Variants in SEMA4F observed in about 807,000 individuals in gnomAD.
SEMA4F encodes semaphorin-4F.
SEMA4F carries 51 observed loss-of-function variants against 78.4 expected under a neutral mutation model. The ratio of observed to expected loss-of-function variants is 0.65; its 90% CI spans 0.52 to 0.82. SEMA4F has a LOEUF of 0.82. SEMA4F is among the 40% of genes least tolerant of loss of function. SEMA4F has a pLI of 0.00. For synonymous variants in SEMA4F, 418 were observed against 408.7 expected (o/e 1.02, Z -0.27); for missense variants, 938 against 1,014.4 (o/e 0.92, Z 1.02).
rs565664464 is a variant in SEMA4F at position 74,679,873 on chromosome 2, G to A, written c.1977G>A (p.Val659=). ...ATGCTCCGAGCCGGGCCCACACAGT[G>A]GGGGCGGGACTGGCTGGCTTCTTCT... is the stretch of plus-strand genomic sequence containing the variant. The part of the protein sequence containing the change: ...QRDAPSRAHT[V]GAGLAGFFLG... Residue 659 remains valine, a synonymous_variant, in exon 14 of 14, where the codon GTG becomes GTA. Coordinates refer to ENST00000357877, the MANE Select transcript of SEMA4F (RefSeq NM_004263.5). 1.2e-6 allele frequency: 2 copies of A among 1,614,206 alleles called. No individual in the cohort carries two copies. The highest frequency in any genetic ancestry group is 1.7e-6 in the Non-Finnish European group (2 of 1,180,038).
At chr2:74,696,185 C>CTTTTTTTT in the SEMA4F span, among the ~76,000 whole-genome samples, 6 of 109,006 alleles carry the variant, frequency 5.5e-5, no homozygotes, top group African/African-American at 7.3e-5. Context: ...TCTCCTGCCT[C>CTTTTTTTT]TTTTTTTTTT....
chr2:74,654,295 G>C lies in SEMA4F; in HGVS notation c.-82G>C. On this transcript the variant is annotated 5_prime_UTR_variant, in exon 1 of 14. Coordinates refer to ENST00000357877, the MANE Select transcript of SEMA4F (RefSeq NM_004263.5). ...GAGCCGGACCGAGCCGAGAGGACCC[G>C]AGTGGGGCCGAGGCCAGTAGCCCCG... 11 of 1,358,812 alleles carry C rather than the reference G, an allele frequency of 8.1e-6. No individual in the cohort carries two copies. The highest frequency in any genetic ancestry group is 1.0e-5 in the Non-Finnish European group (11 of 1,059,732). The allele number at this position is 1,358,812 out of a possible 1,614,324, so 84.2% of individuals were successfully genotyped here.
intron 2 of SEMA4F, 22 bp downstream of exon 2, chr2:74,656,707 G>C (rs1390738839): frequency 6.2e-7 from 1 of 1,612,242 alleles, no homozygotes; most frequent in African/African-American, 1.3e-5. Flanking sequence ...GAGAGGGAAG[G>C]ACCCCTGACC....
chr2:74,679,201 G>A lies in SEMA4F; in HGVS notation c.1644-75G>A, dbSNP rs879849326. The A allele has an allele frequency of 5.9e-4, 628 of 1,060,808 alleles. 4 individuals are homozygous for A. The highest frequency in any genetic ancestry group is 7.3e-4 in the Non-Finnish European group (494 of 675,868). The allele number at this position is 1,060,808 out of a possible 1,614,324, so 65.7% of individuals were successfully genotyped here. On this transcript the variant is annotated intron_variant, in intron 12 of 13. Coordinates refer to ENST00000357877, the MANE Select transcript of SEMA4F (RefSeq NM_004263.5). Reference sequence around the variant, plus strand: ...GATGATGGGAGATATATTGAATGAGGGAGTCTTCAGTAATACTGAGGGGGG... The same window carrying A: ...GATGATGGGAGATATATTGAATGAGAGAGTCTTCAGTAATACTGAGGGGGG...
rs1404445784 is a variant in SEMA4F at position 74,674,645 on chromosome 2, C to T, written c.970C>T (p.Pro324Ser). Residue 324 changes from proline (P) to serine (S), a missense_variant, in exon 8 of 14, where the codon CCC becomes TCC. Coordinates refer to ENST00000357877, the MANE Select transcript of SEMA4F (RefSeq NM_004263.5). ...VLRPELGAGTPIFYGIFSSQW... is the reference protein window; with the variant it reads ...VLRPELGAGTSIFYGIFSSQW... ...TCGACCTGAGCTTGGGGCAGGGACT[C>T]CCATCTTTTATGGCATCTTTTCTTC... 5 of 1,613,926 alleles carry T rather than the reference C, an allele frequency of 3.1e-6. No individual in the cohort carries two copies. The highest frequency in any genetic ancestry group is 3.4e-6 in the Non-Finnish European group (4 of 1,180,014).
chr2:74,705,420 T>C, the SEMA4F span, among the ~76,000 whole-genome samples: 1 of 152,234 alleles, frequency 6.6e-6, no homozygotes, highest in African/African-American at 2.4e-5. Flanking sequence ...GTTGAGTAAG[T>C]AGAGACATCC....
rs1685493810 is a variant in SEMA4F at position 74,679,762 on chromosome 2, C to T, written c.1866C>T (p.Ala622=). Reference sequence around the variant, plus strand: ...TGGAGGTGGTGGTGACCCCAGGGGCCATGGGCGCTTATGCCTGTGAATGTC... The same window carrying T: ...TGGAGGTGGTGGTGACCCCAGGGGCTATGGGCGCTTATGCCTGTGAATGTC... ...DGLEVVVTPG[A]MGAYACECQE... Residue 622 remains alanine, a synonymous_variant, in exon 14 of 14, where the codon GCC becomes GCT. Transcript: ENST00000357877. The T allele has an allele frequency of 6.2e-7, 1 of 1,614,038 alleles. No individual in the cohort carries two copies.
At position 74,657,924 on chromosome 2, in the gene SEMA4F, C is replaced by G. The variant is rs201979007; in HGVS notation, c.429C>G (p.Phe143Leu). The change falls in exon 4 of 14, where the codon TTC becomes TTG. Residue 143 changes from phenylalanine (F) to leucine (L), a missense_variant. By Grantham distance (22) the Phe-to-Leu change is conservative. Transcript: ENST00000357877. ...NASHLLTCGT[F>L]AFDPKCGVID... ...CTCACCTCCTCACTTGTGGCACCTT[C>G]GCTTTTGATCCGAAGTGCGGGGTTA... is the stretch of plus-strand genomic sequence containing the variant. 1.9e-6 allele frequency: 3 copies of G among 1,614,222 alleles called. No homozygotes were observed. Among genetic ancestry groups the G allele is most frequent in the Admixed American group, 3.3e-5 (2 of 60,026 alleles).
chr2:74,672,676 C>T (rs532798533), intron 5 of SEMA4F, among the ~76,000 whole-genome samples: 1 of 152,244 alleles, frequency 6.6e-6, no homozygotes, highest in South Asian at 2.1e-4. Flanking sequence ...ACCCCCCTTC[C>T]TTCTCAGAGT....
chr2:74,657,733 T>C, intron 3 of SEMA4F, 109 bp downstream of exon 3: 1 of 1,388,308 alleles, frequency 7.2e-7, no homozygotes, highest in South Asian at 1.2e-5. Context: ...GCAGAGACTC[T>C]AACACCATGC....
the SEMA4F span, among the ~76,000 whole-genome samples, chr2:74,695,768 C>G: frequency 6.6e-6 from 1 of 152,176 alleles, no homozygotes; most frequent in Non-Finnish European, 1.5e-5. Flanking sequence ...AATCCAAGAG[C>G]AGGAAGTAAC....
rs562050550 is a variant in SEMA4F at position 74,654,338 on chromosome 2, C to G, written c.-39C>G. 82 of 1,445,088 alleles carry G rather than the reference C, an allele frequency of 5.7e-5. 1 individual carries two copies. Among genetic ancestry groups the G allele is most frequent in the African/African-American group, 3.6e-4 (24 of 67,306 alleles). The allele number at this position is 1,445,088 out of a possible 1,614,324, so 89.5% of individuals were successfully genotyped here. A position where few individuals can be genotyped will look rare whatever the true frequency, so the allele number is the denominator to read the frequency against. On this transcript the variant is annotated 5_prime_UTR_variant, in exon 1 of 14. Coordinates refer to ENST00000357877, the MANE Select transcript of SEMA4F (RefSeq NM_004263.5). ...TAGCCCCGGGGCCCTGAGCAGAGGC[C>G]GTAGCTTGCGCCGCACCCGCGGCCA...
chr2:74,689,605 C>A, the SEMA4F span, among the ~76,000 whole-genome samples: 1 of 152,018 alleles, frequency 6.6e-6, no homozygotes. Flanking sequence ...GGAAAAAAAT[C>A]AATTATTCAA....
intron 4 of SEMA4F, among the ~76,000 whole-genome samples, chr2:74,661,092 G>A (rs1684403144): frequency 6.6e-6 from 1 of 152,218 alleles, no homozygotes; most frequent in Non-Finnish European, 1.5e-5. Flanking sequence ...TTTCAAGGAA[G>A]GGAGTGAGTC....
intron 5 of SEMA4F, among the ~76,000 whole-genome samples, chr2:74,664,797 G>A (rs1307395654): frequency 6.6e-6 from 1 of 152,186 alleles, no homozygotes; most frequent in Non-Finnish European, 1.5e-5. Context: ...TCTTGGACCA[G>A]TTAAGAGGTA....
At chr2:74,668,233 G>A (rs1684794114) in intron 5 of SEMA4F, among the ~76,000 whole-genome samples, 1 of 152,128 alleles carries the variant, frequency 6.6e-6, no homozygotes, top group African/African-American at 2.4e-5. Flanking sequence ...TATGGTTTTG[G>A]TGTCATTGCA....
At chr2:74,659,319 A>G (rs1684317465) in intron 4 of SEMA4F, among the ~76,000 whole-genome samples, 1 of 152,092 alleles carries the variant, frequency 6.6e-6, no homozygotes, top group Non-Finnish European at 1.5e-5. Flanking sequence ...AGACAGTGTG[A>G]TTGTTCTAAG....
intron 1 of SEMA4F, among the ~76,000 whole-genome samples, chr2:74,655,924 C>A (rs1399337636): frequency 6.6e-6 from 1 of 152,012 alleles, no homozygotes; most frequent in Non-Finnish European, 1.5e-5. Context: ...GTCCCCAGAA[C>A]CAGAGGTTGA....
chr2:74,686,304 T>A (rs543169415), downstream of SEMA4F, among the ~76,000 whole-genome samples: 1 of 152,250 alleles, frequency 6.6e-6, no homozygotes, highest in Non-Finnish European at 1.5e-5. Flanking sequence ...TTTCACCGTG[T>A]TAGTCAGGAT....
Sources: gnomAD v4.1 joint callset for allele counts (sites outside exome capture counted in the v4.1 genomes callset) on GRCh38, gnomAD v4.1.1 for gene constraint, MANE v1.5 for transcripts, NCBI Gene and HGNC (gene_info 2026-07-23, HGNC 2026-07-21) for gene names.